Variants in CPEB1 observed in about 807,000 individuals in gnomAD.
CPEB1 encodes cytoplasmic polyadenylation element-binding protein 1.
A neutral mutation model predicts 65.8 loss-of-function variants in CPEB1; 7 were observed. The observed-to-expected ratio is 0.11, with a 90% CI of 0.06 to 0.20. The LOEUF (loss-of-function observed/expected upper bound fraction) is 0.20, where lower values mean the gene tolerates loss of function less well. CPEB1 is among the 10% of genes least tolerant of loss of function. The probability of loss-of-function intolerance (pLI) is 1.00; values close to 1 mark genes in which losing one functional copy is unlikely to be tolerated. For missense variants in CPEB1, 551 were observed against 712.2 expected (o/e 0.77, Z 2.58); for synonymous variants, 262 against 260.0 (o/e 1.01, Z -0.08).
chr15:82,633,516 G>C (rs1191766508), intron 1 of CPEB1, among the ~76,000 whole-genome samples: 5 of 152,216 alleles, frequency 3.3e-5, no homozygotes, highest in Admixed American at 3.3e-4. Context: ...GGGATTACAG[G>C]CATGTGCCAC....
intron 3 of CPEB1, among the ~76,000 whole-genome samples, chr15:82,592,359 G>A (rs983750769): frequency 1.3e-5 from 2 of 151,214 alleles, no homozygotes; most frequent in African/African-American, 4.9e-5. Context: ...AGGCAGAGAT[G>A]GGCGGATCAC....
At chr15:82,551,036 AG>A (rs1423675343) in intron 9 of CPEB1, among the ~76,000 whole-genome samples, 2 of 152,088 alleles carry the variant, frequency 1.3e-5, no homozygotes, top group Non-Finnish European at 2.9e-5. Flanking sequence ...GGGAGGAAAA[AG>A]GAGCATGTTA....
rs542981906 is a variant in CPEB1, at chr15:82,554,411, A to G, written c.941-420T>C. Among the ~76,000 whole-genome samples, 11 of 152,342 alleles carry G rather than the reference A, an allele frequency of 7.2e-5. No individual in the cohort carries two copies. In the South Asian group the frequency reaches 1.0e-3, roughly 14 times the overall value. On this transcript the variant is annotated intron_variant, in intron 6 of 12. Transcript: ENST00000684509. ...CTGGTACAAATGGGCCTTCTCCCCA[A>G]TGTTCAAATGAGAAACATTCTATTC...
intron 1 of CPEB1, among the ~76,000 whole-genome samples, chr15:82,635,437 C>T (rs1325155544): frequency 5.3e-5 from 8 of 152,300 alleles, no homozygotes; most frequent in Admixed American, 5.2e-4. Flanking sequence ...CTATAGTTTG[C>T]TGAGAGATGC....
At chr15:82,552,382 C>T (rs1383214588) in intron 9 of CPEB1, 98 bp downstream of exon 9, 9 of 1,212,764 alleles carry the variant, frequency 7.4e-6, no homozygotes, top group African/African-American at 3.2e-5. Flanking sequence ...AGCAGGAATA[C>T]TCCTTGCCTG....
chr15:82,627,075 T>C (rs964838005), intron 3 of CPEB1, 118 bp downstream of exon 3: 8 of 775,270 alleles, frequency 1.0e-5, no homozygotes, highest in African/African-American at 8.9e-5. Flanking sequence ...AAGGCAAGTA[T>C]TGCCAGCAAC....
intron 4 of CPEB1, among the ~76,000 whole-genome samples, chr15:82,565,219 C>T (rs1360811598): frequency 6.6e-6 from 1 of 152,164 alleles, no homozygotes; most frequent in Non-Finnish European, 1.5e-5. Flanking sequence ...CTAATTGTAC[C>T]TCTATAGGGT....
intron 3 of CPEB1, among the ~76,000 whole-genome samples, chr15:82,607,439 T>C (rs2043725478): frequency 6.6e-6 from 1 of 151,756 alleles, no homozygotes; most frequent in Admixed American, 6.6e-5. Flanking sequence ...AATACAAAAA[T>C]TACCCAGGTG....
At chr15:82,581,333 A>G (rs1202734040) in intron 3 of CPEB1, among the ~76,000 whole-genome samples, 3 of 152,108 alleles carry the variant, frequency 2.0e-5, no homozygotes, top group Admixed American at 2.0e-4. Flanking sequence ...CATCCATCCA[A>G]TTCATCCACT....
chr15:82,600,718 G>A (rs1005680906), intron 3 of CPEB1, among the ~76,000 whole-genome samples: 1 of 152,000 alleles, frequency 6.6e-6, no homozygotes, highest in African/African-American at 2.4e-5. Flanking sequence ...GTAAATATAT[G>A]TTTGCCCAAG....
In CPEB1 at chr15:82,627,229, T is replaced by C. The variant is rs941472138; in HGVS notation, c.235A>G (p.Thr79Ala). The C allele has an allele frequency of 4.3e-6, 7 of 1,612,302 alleles. No homozygotes were observed. Among genetic ancestry groups the C allele is most frequent in the African/African-American group, 1.3e-5 (1 of 74,832 alleles). ...TCATGAATTCCTCGGTTTATAGGTG[T>C]AGTGCAGACTCTACTGAAATCCAGA... ...NSLDFSRVCT[T>A]PINRGIHDHL... Residue 79 changes from threonine (T) to alanine (A), a missense_variant, in exon 3 of 13, where the codon ACA (threonine) becomes GCA (alanine). Thr to Ala is a moderately conservative substitution (Grantham distance 58, BLOSUM62 0). Transcript: ENST00000684509.
chr15:82,547,306 T>C, intron 10 of CPEB1, 69 bp from the exon 11 acceptor site: 1 of 1,012,630 alleles, frequency 9.9e-7, no homozygotes. Context: ...TTTTTTTTTT[T>C]TTTTTTTTGA....
At chr15:82,558,866 ACCCT>A (rs2037700470) in intron 4 of CPEB1, among the ~76,000 whole-genome samples, 1 of 151,938 alleles carries the variant, frequency 6.6e-6, no homozygotes, top group Admixed American at 6.6e-5. Flanking sequence ...AGCAAAGCAC[ACCCT>A]CTATCTATGA....
At chr15:82,560,714 T>A (rs1307704202) in intron 4 of CPEB1, among the ~76,000 whole-genome samples, 5 of 151,512 alleles carry the variant, frequency 3.3e-5, no homozygotes, top group Non-Finnish European at 7.4e-5. Context: ...TAAGGGTAAC[T>A]GAGAGACACG....
At position 82,556,083 on chromosome 15, in the gene CPEB1, G is replaced by T. The variant is rs771402341; in HGVS notation, c.727C>A (p.Leu243Met). Reference protein sequence around the residue: ...RISPPLPFLSLSGGGPRDPLK... With the variant: ...RISPPLPFLSMSGGGPRDPLK... ...GGGTCTCTGGGACCACCCCCTGACA[G>T]AGACAGGAAGGGCAGAGGTGGAGAA... The change falls in exon 6 of 13, where the codon CTG becomes ATG. Residue 243 changes from leucine (L) to methionine (M), a missense_variant. Leu to Met is a conservative substitution (Grantham distance 15, BLOSUM62 2). Coordinates refer to ENST00000684509, the MANE Select transcript of CPEB1 (RefSeq NM_001365242.1). 54 of 1,610,096 alleles carry T rather than the reference G, an allele frequency of 3.4e-5. No individual in the cohort carries two copies.
At chr15:82,579,389 A>T (rs1390596934) in intron 3 of CPEB1, among the ~76,000 whole-genome samples, 1 of 152,156 alleles carries the variant, frequency 6.6e-6, no homozygotes, top group East Asian at 1.9e-4. Flanking sequence ...TGATTGCGCC[A>T]CTGCACTCTG....
Position 82,544,377 on chromosome 15 carries a change from C to G in CPEB1, c.*215G>C. 2.3e-6 allele frequency: 1 copy of G among 432,024 alleles called. No homozygotes were observed. The allele number at this position is 432,024 out of a possible 1,614,324, so 26.8% of individuals were successfully genotyped here. On this transcript the variant is annotated 3_prime_UTR_variant, in exon 13 of 13. Coordinates refer to ENST00000684509, the MANE Select transcript of CPEB1 (RefSeq NM_001365242.1). ...TGGAGGGTAAGCCAGAGGGTCCTTG[C>G]CCTTGGTACACCCCCTGAAAACAAA...
intron 3 of CPEB1, among the ~76,000 whole-genome samples, chr15:82,610,208 A>G (rs555887220): frequency 6.6e-6 from 1 of 152,346 alleles, no homozygotes; most frequent in Non-Finnish European, 1.5e-5. Flanking sequence ...AAAAGCCTGT[A>G]TTAGTCATCA....
At chr15:82,577,596 G>C (rs1253065932) in intron 3 of CPEB1, among the ~76,000 whole-genome samples, 1 of 152,124 alleles carries the variant, frequency 6.6e-6, no homozygotes, top group Non-Finnish European at 1.5e-5. Context: ...ATTCACTGCA[G>C]ACTAGACTTC....
Sources: allele counts gnomAD v4.1 joint callset (sites outside exome capture counted in the v4.1 genomes callset), GRCh38; gene constraint gnomAD v4.1.1; transcripts MANE v1.5; gene names NCBI Gene and HGNC (gene_info 2026-07-23, HGNC 2026-07-21).